The following GPR39 variants were observed in gnomAD, a reference collection of about 807,000 sequenced individuals.
The protein encoded by GPR39 is zinc sensing receptor.
In GPR39, 23 loss-of-function variants were observed where a neutral mutation model predicts 18.4. That is an observed-to-expected ratio of 1.25 (90% CI 0.90 to 1.77). The LOEUF (loss-of-function observed/expected upper bound fraction) is 1.77, where lower values mean the gene tolerates loss of function less well. Among genes scored for constraint, GPR39 ranks in the 40% most tolerant of loss-of-function variants. The pLI is 0.00. For synonymous variants in GPR39, 280 were observed against 257.9 expected, an observed-to-expected ratio of 1.09 and a Z score of -0.82; for missense variants, 647 against 602.4, an observed-to-expected ratio of 1.07 and a Z score of -0.78.
At chr2:132,573,515 TAGAG>T (rs2104816533) in intron 1 of GPR39, among the ~76,000 whole-genome samples, 1 of 152,232 alleles carries the variant, frequency 6.6e-6, no homozygotes, top group South Asian at 2.1e-4. Context: ...CTCCAGCAGT[TAGAG>T]TGACAAAAAG....
At chr2:132,579,136 T>C (rs1680581014) in intron 1 of GPR39, among the ~76,000 whole-genome samples, 1 of 151,926 alleles carries the variant, frequency 6.6e-6, no homozygotes, top group Non-Finnish European at 1.5e-5. Context: ...TCTTTAGCTG[T>C]GTCCCACAAA....
At chr2:132,597,960 C>T (rs1680975310) in intron 1 of GPR39, among the ~76,000 whole-genome samples, 1 of 152,192 alleles carries the variant, frequency 6.6e-6, no homozygotes, top group Non-Finnish European at 1.5e-5. Context: ...TTGACTTTGT[C>T]ATTCTGTGCT....
intron 1 of GPR39, among the ~76,000 whole-genome samples, chr2:132,472,559 A>G (rs1224369510): frequency 6.6e-6 from 1 of 152,180 alleles, no homozygotes; most frequent in Non-Finnish European, 1.5e-5. Flanking sequence ...AACCAGGCCC[A>G]GGTCCATTCT....
intron 1 of GPR39, among the ~76,000 whole-genome samples, chr2:132,500,928 CTT>C (rs1214480123): frequency 2.0e-5 from 3 of 151,824 alleles, no homozygotes; most frequent in African/African-American, 7.3e-5. Context: ...TGTAATATCT[CTT>C]GTTTTATTTC....
Position 132,645,529 on chromosome 2 carries a change from G to C in GPR39, c.1285G>C (p.Glu429Gln). The C allele has an allele frequency of 1.2e-6, 2 of 1,614,174 alleles. No homozygotes were observed. Among genetic ancestry groups the C allele is most frequent in the Non-Finnish European group, 1.7e-6 (2 of 1,180,024 alleles). ...PQSKSQSLSL[E>Q]SLEPNSGAKP... ...GTCTAAGTCCCAGTCATTGAGTCTC[G>C]AGTCACTAGAGCCCAACTCAGGCGC... Residue 429 changes from glutamate (E) to glutamine (Q), a missense_variant, in exon 2 of 2, where the codon GAG becomes CAG. Physicochemically the swap from Glu to Gln is conservative, Grantham distance 29. Around this residue, in one of 3 missense-constraint regions of GPR39, gnomAD observed 581 missense variants for 506.8 expected, o/e 1.15. Coordinates refer to ENST00000329321, the MANE Select transcript of GPR39 (RefSeq NM_001508.3).
intron 1 of GPR39, among the ~76,000 whole-genome samples, chr2:132,441,772 G>A (rs1680444116): frequency 6.6e-6 from 1 of 152,158 alleles, no homozygotes; most frequent in Non-Finnish European, 1.5e-5. Context: ...AACCTCTGAG[G>A]GGAAACTTTC....
intron 1 of GPR39, among the ~76,000 whole-genome samples, chr2:132,512,356 C>T (rs779917533): frequency 3.5e-4 from 54 of 152,252 alleles, no homozygotes; most frequent in Admixed American, 2.4e-3. Context: ...GAGATACTCA[C>T]GGAGAGATGA....
Position 132,416,899 on chromosome 2 carries a change from A to T in GPR39, c.-144A>T. 1 of 1,087,928 alleles carries T rather than the reference A, an allele frequency of 9.2e-7. No individual in the cohort carries two copies. Among genetic ancestry groups the T allele is most frequent in the Non-Finnish European group, 1.3e-6 (1 of 764,502 alleles). The allele number at this position is 1,087,928 out of a possible 1,614,324, so 67.4% of individuals were successfully genotyped here. On this transcript the variant is annotated 5_prime_UTR_variant, in exon 1 of 2. Coordinates refer to ENST00000329321, the MANE Select transcript of GPR39 (RefSeq NM_001508.3). ...TTTCCATGAAAGCACCTGAAATACTAAGTTACCTTCGCGAGGAGAACTCGA... is the reference window on the plus strand; with the variant it reads ...TTTCCATGAAAGCACCTGAAATACTTAGTTACCTTCGCGAGGAGAACTCGA...
intron 1 of GPR39, among the ~76,000 whole-genome samples, chr2:132,429,002 C>G (rs1295545653): frequency 2.6e-5 from 4 of 152,202 alleles, no homozygotes; most frequent in African/African-American, 9.7e-5. Context: ...GAAAATGAGG[C>G]ATTGGGTCTG....
intron 1 of GPR39, among the ~76,000 whole-genome samples, chr2:132,591,842 C>T (rs182770806): frequency 3.7e-4 from 56 of 152,236 alleles, no homozygotes; most frequent in African/African-American, 1.3e-3. Context: ...TACAAGCTTT[C>T]GTGTGAACAT....
intron 1 of GPR39, among the ~76,000 whole-genome samples, chr2:132,630,796 A>C (rs2104869150): frequency 6.6e-6 from 1 of 152,300 alleles, no homozygotes. Flanking sequence ...GGGAAGAAGT[A>C]AAACAGGACG....
At chr2:132,576,634 CAG>C (rs1483139743) in intron 1 of GPR39, among the ~76,000 whole-genome samples, 1 of 152,106 alleles carries the variant, frequency 6.6e-6, no homozygotes, top group Non-Finnish European at 1.5e-5. Flanking sequence ...GCCTGGGCAA[CAG>C]AGCAAGATTC....
chr2:132,436,959 A>G (rs1680334372), intron 1 of GPR39, among the ~76,000 whole-genome samples: 1 of 152,224 alleles, frequency 6.6e-6, no homozygotes, highest in Non-Finnish European at 1.5e-5. Context: ...GAATTCTCCC[A>G]AGGCCCTATG....
intron 1 of GPR39, among the ~76,000 whole-genome samples, chr2:132,559,322 G>T (rs1444625416): frequency 6.6e-6 from 1 of 152,116 alleles, no homozygotes; most frequent in Non-Finnish European, 1.5e-5. Flanking sequence ...GATTTGGGGG[G>T]TAACATCAGG....
At chr2:132,607,753 G>A (rs1681164837) in intron 1 of GPR39, among the ~76,000 whole-genome samples, 1 of 152,186 alleles carries the variant, frequency 6.6e-6, no homozygotes, top group African/African-American at 2.4e-5. Flanking sequence ...GCAATAAAAT[G>A]GCTGTAAGCT....
At chr2:132,642,786 C>T (rs913813337) in intron 1 of GPR39, among the ~76,000 whole-genome samples, 12 of 152,202 alleles carry the variant, frequency 7.9e-5, no homozygotes, top group Non-Finnish European at 7.3e-5. Flanking sequence ...GCACAGTTCA[C>T]ATCTAAAACC....
intron 1 of GPR39, among the ~76,000 whole-genome samples, chr2:132,424,659 T>C (rs930989185): frequency 3.9e-5 from 6 of 152,240 alleles, no homozygotes; most frequent in Admixed American, 2.6e-4. Flanking sequence ...GAATTTATCC[T>C]TGGAAGCCAT....
At chr2:132,529,325 G>A (rs532416021) in intron 1 of GPR39, among the ~76,000 whole-genome samples, 10 of 152,318 alleles carry the variant, frequency 6.6e-5, no homozygotes, top group African/African-American at 2.2e-4. Context: ...CGCCATTGCC[G>A]AGGCTTGAGT....
chr2:132,554,568 G>C (rs1051042542), intron 1 of GPR39, among the ~76,000 whole-genome samples: 2 of 152,210 alleles, frequency 1.3e-5, no homozygotes, highest in Non-Finnish European at 2.9e-5. Context: ...CATCACTGAT[G>C]TGCAGCCCTG....
Sources: gnomAD v4.1 joint callset for allele counts (sites outside exome capture counted in the v4.1 genomes callset) on GRCh38, gnomAD v4.1.1 for gene constraint, gnomAD v4.1.1 regional missense constraint, MANE v1.5 for transcripts, NCBI Gene and HGNC (gene_info 2026-07-23, HGNC 2026-07-21) for gene names.